The following RALGAPA1 variants were observed in gnomAD, a reference collection of about 807,000 sequenced individuals.
The protein encoded by RALGAPA1 is Ral GTPase activating protein catalytic subunit alpha 1.
In RALGAPA1, 52 loss-of-function variants were observed where a neutral mutation model predicts 269.6. The ratio of observed to expected loss-of-function variants is 0.19; its 90% confidence interval spans 0.15 to 0.24. The LOEUF (loss-of-function observed/expected upper bound fraction) is 0.24, where lower values mean the gene tolerates loss of function less well. Ranked by LOEUF, RALGAPA1 falls within the 10% of genes least tolerant of loss-of-function variation. The pLI is 1.00. For synonymous variants in RALGAPA1, 817 were observed against 1,008.3 expected, an observed-to-expected ratio of 0.81 and a Z score of 3.60; for missense variants, 1,917 against 3,013.9, an observed-to-expected ratio of 0.64 and a Z score of 8.52.
Position 35,689,728 on chromosome 14 carries a change from G to A in RALGAPA1, c.2683C>T (p.His895Tyr), listed in dbSNP as rs553812162. The part of the protein sequence containing the change: ...RSTESHITDT[H>Y]SRESSLEVGD... ...ACTTCCAGAGAAGACTCTCTACTAT[G>A]AGTATCAGTGATGTGGCTTTCAGTG... The change falls in exon 18 of 42, where the codon CAT becomes TAT. Residue 895 changes from histidine (H) to tyrosine (Y), a missense_variant. Transcript: ENST00000680220. The A allele has an allele frequency of 4.1e-5, 60 of 1,469,364 alleles. 1 individual carries two copies. In the South Asian group the frequency reaches 7.9e-4, roughly 19 times the overall value. 91.0% of individuals were successfully genotyped at this position (1,469,364 alleles called of 1,614,324 possible).
chr14:35,561,551 G>A (rs2056257298), intron 39 of RALGAPA1, among the ~76,000 whole-genome samples: 1 of 111,360 alleles, frequency 9.0e-6, no homozygotes, highest in South Asian at 3.0e-4. Context: ...GTCTTACACT[G>A]TTGCCCAGGC....
intron 39 of RALGAPA1, among the ~76,000 whole-genome samples, chr14:35,564,212 C>G (rs1383941559): frequency 6.6e-6 from 1 of 152,074 alleles, no homozygotes. Flanking sequence ...GTACTATTAT[C>G]CTCTTTTTAC....
At chr14:35,687,394 T>C (rs2066041526) in intron 18 of RALGAPA1, among the ~76,000 whole-genome samples, 1 of 152,166 alleles carries the variant, frequency 6.6e-6, no homozygotes, top group Admixed American at 6.5e-5. Context: ...GAGCACTGTT[T>C]ATATTCCTAA....
intron 31 of RALGAPA1, among the ~76,000 whole-genome samples, chr14:35,640,728 A>C (rs183285092): frequency 4.8e-4 from 73 of 152,324 alleles, no homozygotes; most frequent in Admixed American, 4.2e-3. Flanking sequence ...TTCCAAACTC[A>C]TTCTATGAGG....
At chr14:35,694,914 CA>C (rs1430694428) in intron 17 of RALGAPA1, among the ~76,000 whole-genome samples, 1 of 151,658 alleles carries the variant, frequency 6.6e-6, no homozygotes, top group African/African-American at 2.4e-5. Context: ...CCATCTCTAC[CA>C]AAAATTAAAA....
intron 10 of RALGAPA1, among the ~76,000 whole-genome samples, chr14:35,747,900 T>TC (rs2072270974): frequency 6.6e-6 from 1 of 152,074 alleles, no homozygotes; most frequent in Non-Finnish European, 1.5e-5. Context: ...ATTTTCCCTT[T>TC]TTTTTTTCTA....
At chr14:35,679,395 T>C (rs1406955277) in intron 21 of RALGAPA1, among the ~76,000 whole-genome samples, 1 of 152,258 alleles carries the variant, frequency 6.6e-6, no homozygotes, top group African/African-American at 2.4e-5. Context: ...ATTGAAAATA[T>C]GGTAAGTCAA....
intron 37 of RALGAPA1, among the ~76,000 whole-genome samples, chr14:35,578,793 G>A (rs1772495178): frequency 6.6e-6 from 1 of 152,132 alleles, no homozygotes; most frequent in African/African-American, 2.4e-5. Context: ...TAGTTCTTTT[G>A]ATTTGTGGCT....
intron 17 of RALGAPA1, among the ~76,000 whole-genome samples, chr14:35,695,982 C>T (rs1295864693): frequency 2.0e-5 from 3 of 152,162 alleles, no homozygotes; most frequent in Admixed American, 2.0e-4. Flanking sequence ...TGCAAGCCAA[C>T]ATATTGTATC....
chr14:35,769,454 G>C lies in RALGAPA1; in HGVS notation c.325+1488C>G, dbSNP rs564825666. Among the ~76,000 whole-genome samples the C allele has an allele frequency of 3.9e-5, 6 of 152,182 alleles. 1 individual carries two copies. The South Asian group carries it at 1.2e-3, about 32-fold the overall frequency. ...AATAGACATTGGGAAGTACTAGAGG[G>C]ACAAGGGTTGAAAAACAGTTAGGTA... On this transcript the variant is annotated intron_variant, in intron 4 of 41. Transcript: ENST00000680220.
intron 35 of RALGAPA1, among the ~76,000 whole-genome samples, chr14:35,618,341 C>T (rs1189856515): frequency 6.6e-6 from 1 of 152,006 alleles, no homozygotes; most frequent in Non-Finnish European, 1.5e-5. Flanking sequence ...TATTAAAATA[C>T]AATATACACC....
chr14:35,757,358 G>A (rs2073275077), intron 6 of RALGAPA1, among the ~76,000 whole-genome samples: 1 of 151,964 alleles, frequency 6.6e-6, no homozygotes, highest in Non-Finnish European at 1.5e-5. Flanking sequence ...GATCTCAGGT[G>A]ATCTGCCCGC....
At chr14:35,807,063 T>C (rs2077428917) in intron 1 of RALGAPA1, among the ~76,000 whole-genome samples, 1 of 152,214 alleles carries the variant, frequency 6.6e-6, no homozygotes, top group Non-Finnish European at 1.5e-5. Flanking sequence ...GCCAAAAAAG[T>C]ATATATAAAT....
chr14:35,784,452 G>A (rs2075666493), intron 1 of RALGAPA1, among the ~76,000 whole-genome samples: 1 of 152,088 alleles, frequency 6.6e-6, no homozygotes, highest in South Asian at 2.1e-4. Flanking sequence ...ATGGCTGGCA[G>A]GGGCAGGAAG....
At chr14:35,711,369 T>C (rs946050256) in intron 16 of RALGAPA1, among the ~76,000 whole-genome samples, 1 of 152,206 alleles carries the variant, frequency 6.6e-6, no homozygotes, top group South Asian at 2.1e-4. Flanking sequence ...CCTCCTAGCA[T>C]ATGAATTACA....
At chr14:35,557,098 A>ATG (rs56835063) in intron 39 of RALGAPA1, among the ~76,000 whole-genome samples, 25,034 of 142,142 alleles carry the variant, frequency 0.18, 2,621 homozygotes, top group Admixed American at 0.28. Context: ...TCCAATATGT[A>ATG]TGTGTGTGTG....
In RALGAPA1 at chr14:35,688,584, A is replaced by G. The variant is rs1267077134; in HGVS notation, c.3827T>C (p.Val1276Ala). ...CTTCGGCTTCGAAAGAGCATGTACA[A>G]CAGTTTTATAAACGCCACCCAGGGA... ...QGSLGGVYKT[V>A]VHALSKPKAN... Residue 1276 changes from valine to alanine, a missense_variant, in exon 18 of 42, where the codon GTT becomes GCT. By Grantham distance (64) the Val-to-Ala change is moderately conservative. Transcript: ENST00000680220. 1.3e-6 allele frequency: 2 copies of G among 1,535,982 alleles called. No homozygotes were observed. The highest frequency in any genetic ancestry group is 1.7e-6 in the Non-Finnish European group (2 of 1,146,852).
At chr14:35,670,357 C>T (rs1268748616) in intron 26 of RALGAPA1, among the ~76,000 whole-genome samples, 1 of 152,176 alleles carries the variant, frequency 6.6e-6, no homozygotes, top group Non-Finnish European at 1.5e-5. Context: ...TAGTTTTTTA[C>T]AGTAGACTTC....
intron 37 of RALGAPA1, among the ~76,000 whole-genome samples, chr14:35,593,047 C>G (rs1364103712): frequency 2.6e-5 from 4 of 152,078 alleles, no homozygotes; most frequent in Non-Finnish European, 5.9e-5. Flanking sequence ...CAAATCAGAA[C>G]AGAAAAAGTG....
Sources: allele counts gnomAD v4.1 joint callset (sites outside exome capture counted in the v4.1 genomes callset), GRCh38; gene constraint gnomAD v4.1.1; transcripts MANE v1.5; gene names NCBI Gene and HGNC (gene_info 2026-07-23, HGNC 2026-07-21).